SERINC1: variants seen among roughly 807,000 people sequenced by gnomAD.
SERINC1 encodes serine incorporator 1.
In SERINC1, 38 loss-of-function variants were observed where a neutral mutation model predicts 52.9. The observed-to-expected ratio is 0.72, with a 90% CI of 0.55 to 0.94. SERINC1 has a LOEUF of 0.94. Among genes scored for constraint, SERINC1 ranks in the 40% least tolerant of loss-of-function variants. The pLI is 0.00. For missense variants in SERINC1, 471 were observed against 533.9 expected (o/e 0.88, Z 1.16); for synonymous variants, 198 against 183.1 (o/e 1.08, Z -0.66).
At chr6:122,471,576 A>C in intron 1 of SERINC1, 123 bp downstream of exon 1, 6 of 1,158,850 alleles carry the variant, frequency 5.2e-6, no homozygotes, top group Non-Finnish European at 7.7e-6. Flanking sequence ...AAACGGGGAC[A>C]GAGAGGGCAC....
chr6:122,456,293 CTAT>C (rs1562215041), intron 3 of SERINC1, among the ~76,000 whole-genome samples, 185 bp downstream of exon 3: 1 of 152,132 alleles, frequency 6.6e-6, no homozygotes, highest in East Asian at 1.9e-4. Flanking sequence ...GTTATCACAG[CTAT>C]TATTTAATAT....
chr6:122,443,399 G>A lies in SERINC1; in HGVS notation c.*1645C>T, dbSNP rs1161934685. ...AGGTAAAACACAGCCATTCAAAATT[G>A]TGGAATACAATGTCTACACACAGAA... On this transcript the variant is annotated 3_prime_UTR_variant, in exon 10 of 10. Transcript: ENST00000339697. 2 of 152,044 alleles carry A rather than the reference G, an allele frequency of 1.3e-5. No homozygotes were observed. Among genetic ancestry groups the A allele is most frequent in the East Asian group, 3.8e-4 (2 of 5,202 alleles). The allele number at this position is 152,044 out of a possible 1,614,324, so 9.4% of individuals were successfully genotyped here.
At chr6:122,448,056 C>T (rs1031420008) in intron 7 of SERINC1, among the ~76,000 whole-genome samples, 2 of 149,890 alleles carry the variant, frequency 1.3e-5, no homozygotes, top group East Asian at 2.0e-4. Context: ...TGCAGTGAGC[C>T]GAGATCATGC....
chr6:122,460,362 A>T (rs1444776685), intron 1 of SERINC1, among the ~76,000 whole-genome samples: 1 of 152,194 alleles, frequency 6.6e-6, no homozygotes, highest in East Asian at 1.9e-4. Flanking sequence ...GGTGTGGCCC[A>T]CCGCGCCCAG....
At position 122,456,656 on chromosome 6, in the gene SERINC1, A is replaced by C; in HGVS notation, c.202-6T>G. 1 of 1,565,836 alleles carries C rather than the reference A, an allele frequency of 6.4e-7. No homozygotes were observed. The highest frequency in any genetic ancestry group is 8.6e-7 in the Non-Finnish European group (1 of 1,161,962). On this transcript the variant is annotated splice_polypyrimidine_tract_variant and splice_region_variant and intron_variant, in intron 2 of 9. Transcript: ENST00000339697. ...TTCTCACAAAATCCAGGAATCTAGA[A>C]AAACAAAAGAGTTTATGATCCATCA...
intron 1 of SERINC1, among the ~76,000 whole-genome samples, chr6:122,469,036 TTAAC>T (rs1775230995): frequency 6.6e-6 from 1 of 152,130 alleles, no homozygotes; most frequent in Admixed American, 6.5e-5. Flanking sequence ...TTTAAAGTAA[TTAAC>T]AATCAAAAAA....
intron 9 of SERINC1, among the ~76,000 whole-genome samples, chr6:122,445,858 T>C (rs1458826762): frequency 1.1e-5 from 1 of 92,058 alleles, no homozygotes; most frequent in Non-Finnish European, 2.0e-5. Context: ...CACTCCAGCC[T>C]GGGTGACAGA....
At chr6:122,454,338 G>T in intron 3 of SERINC1, 108 bp from the exon 4 acceptor site, 1 of 633,442 alleles carries the variant, frequency 1.6e-6, no homozygotes, top group Admixed American at 2.9e-5. Context: ...TTATGTGAAT[G>T]TTCTACTTCT....
intron 1 of SERINC1, among the ~76,000 whole-genome samples, chr6:122,468,023 T>C (rs1158010356): frequency 2.0e-5 from 3 of 151,972 alleles, no homozygotes; most frequent in African/African-American, 7.3e-5. Flanking sequence ...AGGGAGGAAA[T>C]GGGAGTGGTA....
Position 122,445,043 on chromosome 6 carries a change from C to T in SERINC1, c.*1G>A. Reference sequence around the variant, plus strand: ...TGGGACTTTCATGCTAGAAGTCTCACTCAGTCAAAATCACGATTTGTAAGA... The same window carrying T: ...TGGGACTTTCATGCTAGAAGTCTCATTCAGTCAAAATCACGATTTGTAAGA... On this transcript the variant is annotated 3_prime_UTR_variant, in exon 10 of 10. Coordinates refer to ENST00000339697, the MANE Select transcript of SERINC1 (RefSeq NM_020755.4). 1.9e-6 allele frequency: 3 copies of T among 1,611,984 alleles called. No individual in the cohort carries two copies. The highest frequency in any genetic ancestry group is 2.5e-6 in the Non-Finnish European group (3 of 1,179,270).
chr6:122,465,994 G>GGGAGGC (rs1181792683), intron 1 of SERINC1, among the ~76,000 whole-genome samples: 3 of 152,128 alleles, frequency 2.0e-5, no homozygotes, highest in African/African-American at 7.2e-5. Flanking sequence ...CCAGCACTTT[G>GGGAGGC]GGAGGCTGAG....
At chr6:122,460,359 C>T (rs1040967500) in intron 1 of SERINC1, among the ~76,000 whole-genome samples, 1 of 152,040 alleles carries the variant, frequency 6.6e-6, no homozygotes, top group Non-Finnish European at 1.5e-5. Context: ...ACAGGTGTGG[C>T]CCACCGCGCC....
rs1208259821 is a variant in SERINC1, at chr6:122,471,769, A to T, written c.-32T>A. On this transcript the variant is annotated 5_prime_UTR_variant, in exon 1 of 10. Transcript: ENST00000339697. ...AACGTCACAAGAGCAGCGGATACAG[A>T]CAAGATGGAGACAGCTTCTTTCTCG... 1 of 1,613,844 alleles carries T rather than the reference A, an allele frequency of 6.2e-7. No homozygotes were observed. Among genetic ancestry groups the T allele is most frequent in the East Asian group, 2.2e-5 (1 of 44,860 alleles).
intron 3 of SERINC1, among the ~76,000 whole-genome samples, chr6:122,455,215 G>T (rs1039900166): frequency 6.6e-6 from 1 of 152,128 alleles, no homozygotes; most frequent in Admixed American, 6.6e-5. Flanking sequence ...ACTTGTAATG[G>T]TTAATACTGA....
intron 1 of SERINC1, among the ~76,000 whole-genome samples, chr6:122,461,916 T>A (rs951409509): frequency 3.9e-5 from 6 of 151,998 alleles, no homozygotes; most frequent in African/African-American, 1.4e-4. Context: ...TCCAAAGACA[T>A]CATAAGAAAA....
intron 1 of SERINC1, among the ~76,000 whole-genome samples, chr6:122,470,484 A>G (rs1775266910): frequency 6.6e-6 from 1 of 152,228 alleles, no homozygotes; most frequent in Non-Finnish European, 1.5e-5. Context: ...CTTATATGAT[A>G]ATCAATTATC....
rs768865400 is a variant in SERINC1, at chr6:122,446,865, T to G, written c.1135A>C (p.Arg379=). 3 of 1,613,860 alleles carry G rather than the reference T, an allele frequency of 1.9e-6. No individual in the cohort carries two copies. Among genetic ancestry groups the G allele is most frequent in the African/African-American group, 2.7e-5 (2 of 74,932 alleles). The change falls in exon 9 of 10, where the codon AGG becomes CGG. Residue 379 remains arginine (R), a synonymous_variant. Coordinates refer to ENST00000339697, the MANE Select transcript of SERINC1 (RefSeq NM_020755.4). ...GAATAACTGTAAGTGACACCATCCC[T>G]TTCATTATCTACAGCTCGGTGAACA... ...DDVHRAVDNE[R]DGVTYSYSFF...
chr6:122,455,130 G>A (rs919163734), intron 3 of SERINC1, among the ~76,000 whole-genome samples: 3 of 152,016 alleles, frequency 2.0e-5, no homozygotes, highest in Non-Finnish European at 2.9e-5. Context: ...AGATGTATAC[G>A]GGTTCAAGTT....
intron 1 of SERINC1, among the ~76,000 whole-genome samples, chr6:122,463,349 C>G (rs1775137774): frequency 6.6e-6 from 1 of 151,952 alleles, no homozygotes; most frequent in Admixed American, 6.6e-5. Flanking sequence ...AAAAGAAAAA[C>G]AAATGAATTG....
Sources: gnomAD v4.1 joint callset for allele counts (sites outside exome capture counted in the v4.1 genomes callset) on GRCh38, gnomAD v4.1.1 for gene constraint, MANE v1.5 for transcripts, NCBI Gene and HGNC (gene_info 2026-07-23, HGNC 2026-07-21) for gene names.